The following CPSF4L variants were observed in gnomAD, a reference collection of about 807,000 sequenced individuals.
CPSF4L encodes the protein putative cleavage and polyadenylation specificity factor subunit 4-like protein.
Under a neutral mutation model 24.0 loss-of-function variants are expected in CPSF4L, and 18 were observed. The ratio of observed to expected loss-of-function variants is 0.75; its 90% CI spans 0.52 to 1.11. The LOEUF (loss-of-function observed/expected upper bound fraction) is 1.11. Among genes scored for constraint, CPSF4L ranks in the 50% least tolerant of loss-of-function variants. CPSF4L has a pLI of 0.00. For synonymous variants in CPSF4L, 72 were observed against 77.2 expected, an observed-to-expected ratio of 0.93 and a Z score of 0.35; for missense variants, 211 against 221.8, an observed-to-expected ratio of 0.95 and a Z score of 0.31.
intron 2 of CPSF4L, among the ~76,000 whole-genome samples, chr17:73,258,451 G>A (rs1453907507): frequency 6.6e-6 from 1 of 151,872 alleles, no homozygotes; most frequent in Non-Finnish European, 1.5e-5. Flanking sequence ...GATTACACCT[G>A]CAACTACACC....
downstream of CPSF4L, chr17:73,244,765 G>A (rs2061919815): frequency 6.2e-6 from 1 of 160,200 alleles, no homozygotes; most frequent in African/African-American, 2.4e-5. Context: ...TCAGTGCCTA[G>A]TGAGTAGCGG....
chr17:73,246,497 T>C (rs1200410327), downstream of CPSF4L, among the ~76,000 whole-genome samples: 1 of 152,186 alleles, frequency 6.6e-6, no homozygotes, highest in Non-Finnish European at 1.5e-5. Flanking sequence ...GATTGTGCCA[T>C]TGCATTCCAG....
At chr17:73,245,813 C>T (rs1312236945), downstream of CPSF4L, 2 of 742,014 alleles carry the variant, frequency 2.7e-6, no homozygotes, top group African/African-American at 3.8e-5. Context: ...ACATTTTATA[C>T]ATCTTAATTG....
downstream of CPSF4L, among the ~76,000 whole-genome samples, chr17:73,246,183 T>TG (rs2061948034): frequency 6.6e-6 from 1 of 152,200 alleles, no homozygotes; most frequent in South Asian, 2.1e-4. Flanking sequence ...GCTTTGCTTG[T>TG]GGTGTCCTCA....
At chr17:73,242,949 A>G in the CPSF4L span, 11 of 1,613,990 alleles carry the variant, frequency 6.8e-6, no homozygotes, top group Non-Finnish European at 9.3e-6. Flanking sequence ...TGGCATCACG[A>G]TGCTCTTCAC....
chr17:73,251,861 G>A (rs2062007303), intron 5 of CPSF4L, among the ~76,000 whole-genome samples: 1 of 152,178 alleles, frequency 6.6e-6, no homozygotes, highest in Admixed American at 6.5e-5. Context: ...TTCTCAATCA[G>A]GGCCAGCCCT....
At chr17:73,247,463 A>G, downstream of CPSF4L, 2 of 932,730 alleles carry the variant, frequency 2.1e-6, no homozygotes, top group East Asian at 2.4e-5. Context: ...ATAGCTTTTC[A>G]GCCCTCAAGG....
intron 5 of CPSF4L, among the ~76,000 whole-genome samples, chr17:73,251,917 T>C (rs1482028343): frequency 6.6e-6 from 1 of 152,244 alleles, no homozygotes; most frequent in Non-Finnish European, 1.5e-5. Context: ...AAGGAAAGCC[T>C]TGGACTGGTC....
Position 73,252,839 on chromosome 17 carries a change from G to C in CPSF4L, c.404-116C>G. ...GTCATAGGGGCTTCACTTAATAGGGGTGGATAAATCTTCCCATCCTTTCTG... is the reference window on the plus strand; with the variant it reads ...GTCATAGGGGCTTCACTTAATAGGGCTGGATAAATCTTCCCATCCTTTCTG... On this transcript the variant is annotated intron_variant, in intron 4 of 5. Transcript: ENST00000344935. 3 of 635,838 alleles carry C rather than the reference G, an allele frequency of 4.7e-6. No homozygotes were observed. The South Asian group carries it at 6.0e-5, about 13-fold the overall frequency. The allele number at this position is 635,838 out of a possible 1,614,324, so 39.4% of individuals were successfully genotyped here.
downstream of CPSF4L, among the ~76,000 whole-genome samples, chr17:73,243,755 G>A (rs374121835): frequency 1.3e-4 from 19 of 151,924 alleles, 2 homozygotes; most frequent in Admixed American, 6.5e-4. Context: ...GGCTAGTCTC[G>A]AACTCCTGAC....
the CPSF4L span, chr17:73,242,890 G>T: frequency 6.2e-7 from 1 of 1,609,110 alleles, no homozygotes; most frequent in South Asian, 1.1e-5. Flanking sequence ...GTTTCCTTTT[G>T]AACAGGCTGG....
chr17:73,262,765 G>T (rs1164079264), upstream of CPSF4L, among the ~76,000 whole-genome samples: 1 of 152,166 alleles, frequency 6.6e-6, no homozygotes, highest in Non-Finnish European at 1.5e-5. Context: ...CAGTCACATT[G>T]GCTTTTAATG....
At chr17:73,259,973 C>T (rs1255344202) in intron 2 of CPSF4L, among the ~76,000 whole-genome samples, 1 of 152,144 alleles carries the variant, frequency 6.6e-6, no homozygotes, top group Non-Finnish European at 1.5e-5. Flanking sequence ...CTACATGAGC[C>T]ATGAGCCAGA....
In CPSF4L at chr17:73,257,838, A is replaced by G; in HGVS notation, c.155-5T>C. ...GTCGGAAGGGGCAGAGTTTCCCTGG[A>G]GATGCCAGAGCACCTGGCTGGGAGG... On this transcript the variant is annotated splice_polypyrimidine_tract_variant and splice_region_variant and intron_variant, in intron 2 of 5. Transcript: ENST00000344935. 1 of 1,551,162 alleles carries G rather than the reference A, an allele frequency of 6.4e-7. No individual in the cohort carries two copies. The highest frequency in any genetic ancestry group is 8.7e-7 in the Non-Finnish European group (1 of 1,146,858).
chr17:73,248,587 T>C (rs1485100586), intron 5 of CPSF4L, 51 bp from the exon 6 acceptor site: 1 of 1,530,848 alleles, frequency 6.5e-7, no homozygotes, highest in African/African-American at 1.4e-5. Flanking sequence ...GTAATCCATA[T>C]TCACCTTCCC....
At chr17:73,261,384 G>A (rs1345593451) in intron 1 of CPSF4L, among the ~76,000 whole-genome samples, 7 of 152,342 alleles carry the variant, frequency 4.6e-5, no homozygotes, top group Non-Finnish European at 7.4e-5. Flanking sequence ...GAGGGAGGCT[G>A]GGCGTGGTGG....
intron 1 of CPSF4L, among the ~76,000 whole-genome samples, chr17:73,261,487 C>T (rs892439876): frequency 2.0e-5 from 3 of 152,012 alleles, no homozygotes; most frequent in East Asian, 1.9e-4. Flanking sequence ...TGGTGAAACC[C>T]GGTCTCTACT....
intron 2 of CPSF4L, among the ~76,000 whole-genome samples, chr17:73,258,063 G>T (rs538566310): frequency 2.3e-4 from 35 of 151,394 alleles, no homozygotes; most frequent in Non-Finnish European, 3.8e-4. Flanking sequence ...AGGTTGGAGT[G>T]CAGCGGCGCG....
chr17:73,258,176 A>AT (rs1454873623), intron 2 of CPSF4L, among the ~76,000 whole-genome samples: 22 of 151,706 alleles, frequency 1.5e-4, no homozygotes, highest in Admixed American at 3.9e-4. Flanking sequence ...CGCCCTGCTA[A>AT]TTTTTTGTAT....
Sources: gnomAD v4.1 joint callset for allele counts (sites outside exome capture counted in the v4.1 genomes callset) on GRCh38, gnomAD v4.1.1 for gene constraint, MANE v1.5 for transcripts, NCBI Gene and HGNC (gene_info 2026-07-23, HGNC 2026-07-21) for gene names.